Variants in TOPAZ1 observed in about 807,000 individuals in gnomAD.
TOPAZ1 encodes the protein testis and ovary specific TOPAZ 1.
A neutral mutation model predicts 172.2 loss-of-function variants in TOPAZ1; 66 were observed. The observed-to-expected ratio is 0.38, with a 90% CI of 0.31 to 0.47. TOPAZ1 has a LOEUF of 0.47. Ranked by LOEUF, TOPAZ1 falls within the 20% of genes least tolerant of loss-of-function variation. TOPAZ1 has a pLI of 0.99. For synonymous variants in TOPAZ1, 681 were observed against 683.9 expected, an observed-to-expected ratio of 1.00 and a Z score of 0.07; for missense variants, 1,822 against 1,972.4, an observed-to-expected ratio of 0.92 and a Z score of 1.44.
At chr3:44,307,468 A>G (rs1325683338) in intron 15 of TOPAZ1, among the ~76,000 whole-genome samples, 1 of 152,068 alleles carries the variant, frequency 6.6e-6, no homozygotes, top group Non-Finnish European at 1.5e-5. Flanking sequence ...TGGTTTAGTG[A>G]CTCAAGACCA....
At chr3:44,274,742 CAG>C (rs1029898060) in intron 8 of TOPAZ1, among the ~76,000 whole-genome samples, 5 of 151,786 alleles carry the variant, frequency 3.3e-5, no homozygotes, top group African/African-American at 7.3e-5. Flanking sequence ...TTAGTAGAGA[CAG>C]GGTTTCTTCA....
At chr3:44,282,271 A>G (rs1186401013) in intron 9 of TOPAZ1, among the ~76,000 whole-genome samples, 1 of 152,208 alleles carries the variant, frequency 6.6e-6, no homozygotes. Flanking sequence ...TTTTATTTAT[A>G]AGTGTAAGAT....
At chr3:44,249,252 G>C (rs1699601573) in intron 2 of TOPAZ1, among the ~76,000 whole-genome samples, 1 of 145,140 alleles carries the variant, frequency 6.9e-6, no homozygotes, top group Admixed American at 6.9e-5. Context: ...GAAGGGGGAG[G>C]AGTGGGGGAC....
chr3:44,315,272 A>AG (rs1354833334), intron 16 of TOPAZ1, among the ~76,000 whole-genome samples: 1 of 152,088 alleles, frequency 6.6e-6, no homozygotes, highest in Non-Finnish European at 1.5e-5. Flanking sequence ...ACACATGTGG[A>AG]CCAGCGCCTG....
At chr3:44,291,592 C>T (rs1234326653) in intron 12 of TOPAZ1, among the ~76,000 whole-genome samples, 1 of 139,870 alleles carries the variant, frequency 7.1e-6, no homozygotes, top group African/African-American at 2.6e-5. Flanking sequence ...GACTCCGTCT[C>T]AAAAATAAAT....
downstream of TOPAZ1, among the ~76,000 whole-genome samples, chr3:44,332,532 G>A (rs1488641): frequency 0.83 from 125,851 of 151,976 alleles, 52,144 homozygotes; most frequent in Middle Eastern, 0.9. Context: ...AGTGTATCTT[G>A]GAATACTAGA....
chr3:44,306,460 A>G (rs971826165), intron 15 of TOPAZ1, 34 bp downstream of exon 15: 1 of 1,219,172 alleles, frequency 8.2e-7, no homozygotes. Flanking sequence ...GGCTTGGTAT[A>G]GAGACTACTA....
At chr3:44,288,554 G>A (rs1197491540) in intron 11 of TOPAZ1, among the ~76,000 whole-genome samples, 2 of 151,976 alleles carry the variant, frequency 1.3e-5, no homozygotes, top group East Asian at 1.9e-4. Context: ...GCATGGTGGC[G>A]CACTCCTATA....
Position 44,309,878 on chromosome 3 carries a change from A to G in TOPAZ1, c.4194A>G (p.Leu1398=). The stretch of plus-strand genomic sequence containing the variant: ...AATTAAAAATACACTTTACAAGTTT[A>G]AAAGGACTTATAGGGCCTGAGAAGT... ...LYELKIHFTS[L]KGLIGPEKLA... The change falls in exon 16 of 20, where the codon TTA becomes TTG. Residue 1398 remains leucine (L), a synonymous_variant. Coordinates refer to ENST00000309765, the MANE Select transcript of TOPAZ1 (RefSeq NM_001145030.2). 6.5e-7 allele frequency: 1 copy of G among 1,547,058 alleles called. No individual in the cohort carries two copies. Among genetic ancestry groups the G allele is most frequent in the Middle Eastern group, 1.7e-4 (1 of 5,980 alleles).
intron 12 of TOPAZ1, among the ~76,000 whole-genome samples, chr3:44,301,729 A>G (rs973074661): frequency 6.6e-6 from 1 of 151,996 alleles, no homozygotes; most frequent in African/African-American, 2.4e-5. Context: ...TTAAACTTTT[A>G]GAGTTCTTGA....
At chr3:44,249,143 A>G (rs558502532) in intron 2 of TOPAZ1, among the ~76,000 whole-genome samples, 10 of 152,146 alleles carry the variant, frequency 6.6e-5, no homozygotes, top group African/African-American at 2.4e-4. Context: ...ACATAGGATT[A>G]TTATATGCTA....
At chr3:44,250,261 A>AC (rs1699615668) in intron 2 of TOPAZ1, among the ~76,000 whole-genome samples, 1 of 149,458 alleles carries the variant, frequency 6.7e-6, no homozygotes, top group South Asian at 2.1e-4. Context: ...AAAAAAAAAA[A>AC]CAGGTTTCCA....
At chr3:44,253,217 A>G (rs1242031516) in intron 2 of TOPAZ1, among the ~76,000 whole-genome samples, 2 of 152,242 alleles carry the variant, frequency 1.3e-5, no homozygotes, top group Non-Finnish European at 2.9e-5. Flanking sequence ...AGGCGTAAGC[A>G]GACCTTCCTA....
chr3:44,306,976 G>A (rs936327649), intron 15 of TOPAZ1, among the ~76,000 whole-genome samples: 29 of 152,064 alleles, frequency 1.9e-4, no homozygotes, highest in Non-Finnish European at 2.9e-5. Context: ...CAGTTATATT[G>A]TAATTTTAGA....
At chr3:44,319,615 A>G (rs1700488081) in intron 16 of TOPAZ1, among the ~76,000 whole-genome samples, 1 of 152,210 alleles carries the variant, frequency 6.6e-6, no homozygotes, top group African/African-American at 2.4e-5. Flanking sequence ...TATTAAATTC[A>G]TTTACATTTC....
At position 44,257,469 on chromosome 3, in the gene TOPAZ1, A is replaced by T. The variant is rs373779228; in HGVS notation, c.2955+1191A>T. Among the ~76,000 whole-genome samples, 558 of 113,848 alleles carry T rather than the reference A, an allele frequency of 4.9e-3. 11 individuals are homozygous for T. Among genetic ancestry groups the T allele is most frequent in the African/African-American group, 0.017 (462 of 27,668 alleles). 74.7% of individuals were successfully genotyped at this position (113,848 alleles called of 152,430 possible). A position where few individuals can be genotyped will look rare whatever the true frequency, so the allele number is the denominator to read the frequency against. On this transcript the variant is annotated intron_variant, in intron 4 of 19. Transcript: ENST00000309765. ...GTGTATCTATTTTATATATATATATAGTGTGTGTGTGTGTGTGTGTGTGTG... is the reference window on the plus strand; with the variant it reads ...GTGTATCTATTTTATATATATATATTGTGTGTGTGTGTGTGTGTGTGTGTG...
At chr3:44,259,758 C>G (rs184952494) in intron 4 of TOPAZ1, among the ~76,000 whole-genome samples, 1 of 152,108 alleles carries the variant, frequency 6.6e-6, no homozygotes. Flanking sequence ...AATTTTTTGT[C>G]CATCTGCTTA....
chr3:44,247,725 C>T (rs561396473), intron 2 of TOPAZ1, among the ~76,000 whole-genome samples: 2 of 152,278 alleles, frequency 1.3e-5, no homozygotes, highest in South Asian at 4.1e-4. Flanking sequence ...TCTCGGCTCA[C>T]TGCAACCTAT....
chr3:44,268,363 A>ATTTTTTTTTTTTTTTTTTTTTTTTTT (rs1293339613), intron 6 of TOPAZ1, among the ~76,000 whole-genome samples: 1 of 91,758 alleles, frequency 1.1e-5, no homozygotes, highest in Non-Finnish European at 2.2e-5. Flanking sequence ...TGTGGTGCCT[A>ATTTTTTTTTTTTTTTTTTTTTTTTTT]TTCTTTTTTT....
Sources: gnomAD v4.1 joint callset for allele counts (sites outside exome capture counted in the v4.1 genomes callset) on GRCh38, gnomAD v4.1.1 for gene constraint, MANE v1.5 for transcripts, NCBI Gene and HGNC (gene_info 2026-07-23, HGNC 2026-07-21) for gene names.